Variants in ARB2A observed in about 807,000 individuals in gnomAD.
ARB2A encodes the protein cotranscriptional regulator ARB2A.
chr5:93,730,363 CT>C, the ARB2A span, among the ~76,000 whole-genome samples: 1 of 151,586 alleles, frequency 6.6e-6, no homozygotes. Context: ...TATGGGGAGT[CT>C]TTTTTTTCCC....
At chr5:93,788,913 T>C in the ARB2A span, among the ~76,000 whole-genome samples, 1 of 152,196 alleles carries the variant, frequency 6.6e-6, no homozygotes, top group African/African-American at 2.4e-5. Flanking sequence ...GGCTTCACCC[T>C]AACCTAAAAG....
the ARB2A span, among the ~76,000 whole-genome samples, chr5:93,972,096 A>C: frequency 6.6e-6 from 1 of 152,174 alleles, no homozygotes; most frequent in South Asian, 2.1e-4. Flanking sequence ...ATGGCCTTAA[A>C]GAGACAACTT....
the ARB2A span, among the ~76,000 whole-genome samples, chr5:94,038,075 A>C: frequency 6.6e-6 from 1 of 152,212 alleles, no homozygotes; most frequent in East Asian, 1.9e-4. Context: ...GAGGTTTTCA[A>C]GATATATATC....
the ARB2A span, among the ~76,000 whole-genome samples, chr5:93,881,006 C>A: frequency 6.6e-6 from 1 of 151,634 alleles, no homozygotes. Context: ...ACCTTACCCC[C>A]CAAGATGAAT....
the ARB2A span, among the ~76,000 whole-genome samples, chr5:93,774,125 A>T: frequency 6.6e-6 from 1 of 152,178 alleles, no homozygotes; most frequent in Non-Finnish European, 1.5e-5. Flanking sequence ...GAGGTGCCAC[A>T]AACTGTACCC....
At chr5:94,022,580 A>C in the ARB2A span, among the ~76,000 whole-genome samples, 1 of 152,200 alleles carries the variant, frequency 6.6e-6, no homozygotes, top group Non-Finnish European at 1.5e-5. Flanking sequence ...TCAAAACACA[A>C]TAAAAGGTTT....
chr5:93,778,031 A>C, the ARB2A span, among the ~76,000 whole-genome samples: 1 of 152,228 alleles, frequency 6.6e-6, no homozygotes, highest in Non-Finnish European at 1.5e-5. Context: ...AGGAAAAAAA[A>C]CATGAAAACA....
the ARB2A span, among the ~76,000 whole-genome samples, chr5:93,726,954 T>TCC: frequency 2.0e-5 from 3 of 152,010 alleles, no homozygotes; most frequent in African/African-American, 7.2e-5. Context: ...TCACTAAAAG[T>TCC]GGTAGGCAAT....
the ARB2A span, chr5:93,743,563 C>T: frequency 2.0e-6 from 2 of 984,594 alleles, no homozygotes; most frequent in Non-Finnish European, 2.4e-6. Flanking sequence ...AATCACGAAG[C>T]AATCAGTATC....
chr5:94,071,215 C>T, the ARB2A span, among the ~76,000 whole-genome samples: 3 of 151,794 alleles, frequency 2.0e-5, no homozygotes, highest in African/African-American at 4.8e-5. Context: ...AGCAATGAAA[C>T]GAAACCTACT....
the ARB2A span, among the ~76,000 whole-genome samples, chr5:93,625,975 C>T: frequency 1.3e-5 from 2 of 152,186 alleles, no homozygotes; most frequent in African/African-American, 4.8e-5. Flanking sequence ...CAACCCTGCC[C>T]ACACTCCTCT....
chr5:93,857,718 C>G, the ARB2A span, among the ~76,000 whole-genome samples: 1 of 152,204 alleles, frequency 6.6e-6, no homozygotes, highest in African/African-American at 2.4e-5. Flanking sequence ...AAAGGGAACT[C>G]CCTGACCCCT....
the ARB2A span, among the ~76,000 whole-genome samples, chr5:93,982,774 G>A: frequency 6.6e-6 from 1 of 152,196 alleles, no homozygotes; most frequent in South Asian, 2.1e-4. Context: ...CCTAAAAAGG[G>A]AAGGGCACAG....
At chr5:94,104,606 A>C in the ARB2A span, among the ~76,000 whole-genome samples, 1 of 152,020 alleles carries the variant, frequency 6.6e-6, no homozygotes, top group Non-Finnish European at 1.5e-5. Flanking sequence ...AACCCTACTA[A>C]ACTATTCCAA....
chr5:93,975,402 C>G, the ARB2A span, among the ~76,000 whole-genome samples: 11 of 146,310 alleles, frequency 7.5e-5, no homozygotes, highest in Non-Finnish European at 1.7e-4. Flanking sequence ...AAAACAAGAA[C>G]AAATTAAATT....
At chr5:93,937,278 T>TGG in the ARB2A span, among the ~76,000 whole-genome samples, 1 of 148,442 alleles carries the variant, frequency 6.7e-6, no homozygotes, top group African/African-American at 2.5e-5. Flanking sequence ...TCTGTGTGGG[T>TGG]GGGGGGAGGA....
chr5:93,868,968 C>A, the ARB2A span, among the ~76,000 whole-genome samples: 1 of 152,122 alleles, frequency 6.6e-6, no homozygotes, highest in Non-Finnish European at 1.5e-5. Flanking sequence ...AATATATACA[C>A]AGATAACCAC....
chr5:94,032,871 A>G, the ARB2A span, among the ~76,000 whole-genome samples: 34 of 152,244 alleles, frequency 2.2e-4, no homozygotes, highest in East Asian at 3.5e-3. Context: ...CATTTATGAT[A>G]AAGGTTAGGC....
At chr5:93,967,266 A>C in the ARB2A span, among the ~76,000 whole-genome samples, 3 of 152,148 alleles carry the variant, frequency 2.0e-5, no homozygotes, top group Admixed American at 1.3e-4. Flanking sequence ...AGGCTCTAAA[A>C]TTATGTTTTC....
Sources: allele counts gnomAD v4.1 joint callset (sites outside exome capture counted in the v4.1 genomes callset), GRCh38; gene constraint gnomAD v4.1.1; transcripts MANE v1.5; gene names NCBI Gene and HGNC (gene_info 2026-07-23, HGNC 2026-07-21).